Variants in DNAJC17 observed in about 807,000 individuals in gnomAD.
DNAJC17 encodes the protein dnaJ homolog subfamily C member 17.
In DNAJC17, 35 loss-of-function variants were observed where a neutral mutation model predicts 48.1. That is an observed-to-expected ratio of 0.73 (90% CI 0.56 to 0.96). The LOEUF (loss-of-function observed/expected upper bound fraction) is 0.96. Ranked by LOEUF, DNAJC17 falls within the 50% of genes least tolerant of loss-of-function variation. DNAJC17 has a pLI of 0.00. For synonymous variants in DNAJC17, 117 were observed against 142.7 expected, an observed-to-expected ratio of 0.82 and a Z score of 1.28; for missense variants, 355 against 377.1, an observed-to-expected ratio of 0.94 and a Z score of 0.48.
chr15:40,767,326 G>A lies in DNAJC17; in HGVS notation c.*614C>T. 1.9e-6 allele frequency: 3 copies of A among 1,601,862 alleles called. No individual in the cohort carries two copies. Among genetic ancestry groups the A allele is most frequent in the East Asian group, 4.6e-5 (2 of 43,642 alleles). ...CATGACGGGGGTGGGCCAGACGCTGGTGTGGTGTCTGCACAAGGAGTGACC... is the reference window on the plus strand; with the variant it reads ...CATGACGGGGGTGGGCCAGACGCTGATGTGGTGTCTGCACAAGGAGTGACC... On this transcript the variant is annotated 3_prime_UTR_variant, in exon 11 of 11. Transcript: ENST00000220496.
chr15:40,765,293 G>C lies in DNAJC17; in HGVS notation c.*2647C>G, dbSNP rs1179334120. On this transcript the variant is annotated 3_prime_UTR_variant, in exon 11 of 11. Transcript: ENST00000220496. Reference sequence around the variant, plus strand: ...GCAACCATCACCATAATCAGTTTTAGAACATTTCTAATACCCCAAAAGGAA... The same window carrying C: ...GCAACCATCACCATAATCAGTTTTACAACATTTCTAATACCCCAAAAGGAA... 1 of 152,126 alleles carries C rather than the reference G, an allele frequency of 6.6e-6. No individual in the cohort carries two copies. Among genetic ancestry groups the C allele is most frequent in the Admixed American group, 6.6e-5 (1 of 15,262 alleles). The allele number at this position is 152,126 out of a possible 1,614,324, so 9.4% of individuals were successfully genotyped here.
chr15:40,792,089 G>C (rs1889822446), intron 1 of DNAJC17, among the ~76,000 whole-genome samples: 1 of 152,106 alleles, frequency 6.6e-6, no homozygotes, highest in Non-Finnish European at 1.5e-5. Context: ...GCAAACCCTA[G>C]GCCATGCCCA....
Position 40,765,879 on chromosome 15 carries a change from A to G in DNAJC17, c.*2061T>C. Reference sequence around the variant, plus strand: ...GAACAGTCGGATCCAGAGCTGATGCAGCATCTGGGGGCTTCAAAGAGAAGA... The same window carrying G: ...GAACAGTCGGATCCAGAGCTGATGCGGCATCTGGGGGCTTCAAAGAGAAGA... On this transcript the variant is annotated 3_prime_UTR_variant, in exon 11 of 11. Transcript: ENST00000220496. 6 of 1,584,920 alleles carry G rather than the reference A, an allele frequency of 3.8e-6. No homozygotes were observed. Among genetic ancestry groups the G allele is most frequent in the Non-Finnish European group, 5.2e-6 (6 of 1,160,738 alleles).
At chr15:40,779,171 T>TG (rs1312945148) in intron 4 of DNAJC17, 52 bp downstream of exon 4, 16 of 1,568,118 alleles carry the variant, frequency 1.0e-5, no homozygotes, top group Non-Finnish European at 1.4e-5. Context: ...GGGAGATGAA[T>TG]GAAAATGACC....
In DNAJC17 at chr15:40,779,963, C is replaced by T. The variant is rs1346254305; in HGVS notation, c.113G>A (p.Cys38Tyr). 2 of 1,614,130 alleles carry T rather than the reference C, an allele frequency of 1.2e-6. No individual in the cohort carries two copies. The highest frequency in any genetic ancestry group is 1.7e-6 in the Non-Finnish European group (2 of 1,180,016). The stretch of plus-strand genomic sequence containing the variant: ...ATTATCTGGATTTTTGTCTGGGTGG[C>T]AGGAGAGGGCCTTCTGCCTATACGC... ...KKAYRQKALS[C>Y]HPDKNPDNPR... Residue 38 changes from cysteine (C) to tyrosine (Y), a missense_variant, in exon 2 of 11, where the codon TGC (cysteine) becomes TAC (tyrosine). Around this residue, in one of 3 missense-constraint regions of DNAJC17, gnomAD observed 199 missense variants for 199.9 expected, o/e 1.00. Transcript: ENST00000220496.
At position 40,792,509 on chromosome 15, in the gene DNAJC17, T is replaced by C. The variant is rs927668067; in HGVS notation, c.79-12512A>G. On this transcript the variant is annotated intron_variant, in intron 1 of 10. Transcript: ENST00000220496. ...AAGGGCTTCAAATGAAAGGTAAGGC[T>C]GCTACAGACAGAAGAGAAAGACAGG... 5 of 985,308 alleles carry C rather than the reference T, an allele frequency of 5.1e-6. No individual in the cohort carries two copies. In the African/African-American group the frequency reaches 5.2e-5, roughly 10 times the overall value. The allele number at this position is 985,308 out of a possible 1,614,324, so 61.0% of individuals were successfully genotyped here. A position where few individuals can be genotyped will look rare whatever the true frequency, so the allele number is the denominator to read the frequency against.
At position 40,769,163 on chromosome 15, in the gene DNAJC17, G is replaced by C. The variant is rs551989138; in HGVS notation, c.793-1101C>G. Among the ~76,000 whole-genome samples, 82 of 152,270 alleles carry C rather than the reference G, an allele frequency of 5.4e-4. 1 individual carries two copies. Among genetic ancestry groups the C allele is most frequent in the Non-Finnish European group, 9.6e-4 (65 of 67,992 alleles). ...ATGGCTGCACCCCTCCCCTCTCCCC[G>C]GCTGCAGCAGTCCCAGCTAGGCCGG... On this transcript the variant is annotated intron_variant, in intron 10 of 10. Coordinates refer to ENST00000220496, the MANE Select transcript of DNAJC17 (RefSeq NM_018163.3). The surrounding 1 kb of genome is among the most constrained non-coding windows in gnomAD (Gnocchi z 4.2).
chr15:40,779,400 A>C (rs1038552650), intron 3 of DNAJC17, 90 bp from the exon 4 acceptor site: 12 of 1,563,646 alleles, frequency 7.7e-6, no homozygotes, highest in South Asian at 1.1e-5. Flanking sequence ...CCCACGAGCC[A>C]TCAGAGTGGC....
At chr15:40,801,937 G>A (rs1413468705) in intron 1 of DNAJC17, among the ~76,000 whole-genome samples, 3 of 152,032 alleles carry the variant, frequency 2.0e-5, no homozygotes, top group African/African-American at 7.3e-5. Flanking sequence ...TGAGTGGATG[G>A]GGGCCTGGGC....
chr15:40,799,260 G>A (rs181906470), intron 1 of DNAJC17, among the ~76,000 whole-genome samples: 11 of 147,468 alleles, frequency 7.5e-5, no homozygotes, highest in African/African-American at 2.5e-4. Flanking sequence ...TTTGGTGCTC[G>A]CTGCTTCAGG....
chr15:40,806,900 G>A (rs1276933121), intron 1 of DNAJC17, among the ~76,000 whole-genome samples: 1 of 137,212 alleles, frequency 7.3e-6, no homozygotes, highest in Non-Finnish European at 1.6e-5. Flanking sequence ...CAGGGTCATC[G>A]GTCACATTGG....
rs576509917 is a variant in DNAJC17, at chr15:40,781,093, G to A, written c.79-1096C>T. On this transcript the variant is annotated intron_variant, in intron 1 of 10. Coordinates refer to ENST00000220496, the MANE Select transcript of DNAJC17 (RefSeq NM_018163.3). ...ATTCATGCAGGAGGCAGAGGTTGCA[G>A]TGAGCCAAGATTGTGCCACTACACT... is the stretch of plus-strand genomic sequence containing the variant. Among the ~76,000 whole-genome samples, 3 of 146,498 alleles carry A rather than the reference G, an allele frequency of 2.0e-5. No homozygotes were observed. In the South Asian group the frequency reaches 6.6e-4, roughly 32 times the overall value.
rs1889276747 is a variant in DNAJC17 at position 40,774,967 on chromosome 15, C to A, written c.600+64G>T. ...GAAGTTCAGGCATTGAGAGCAGAGA[C>A]CTAGGGTGTGGACTGAGACGTGGAC... On this transcript the variant is annotated intron_variant, in intron 8 of 10. Coordinates refer to ENST00000220496, the MANE Select transcript of DNAJC17 (RefSeq NM_018163.3). 1.9e-6 allele frequency: 3 copies of A among 1,550,900 alleles called. No homozygotes were observed. The South Asian group carries it at 3.3e-5, about 17-fold the overall frequency.
In DNAJC17 at chr15:40,776,268, A is replaced by T; in HGVS notation, c.406T>A (p.Ser136Thr). ...CTCTGCTGTTCCTCCAGCTGCCGGG[A>T]ACCCTCTTCTCTCAGGCGTTCGATC... ...QEIERLREEG[S>T]RQLEEQQRLI... Residue 136 changes from serine (S) to threonine (T), a missense_variant, in exon 6 of 11, where the codon TCC becomes ACC. Physicochemically the swap from Ser to Thr is moderately conservative, Grantham distance 58 (BLOSUM62 1). Around this residue, in one of 3 missense-constraint regions of DNAJC17, gnomAD observed 199 missense variants for 199.9 expected, o/e 1.00. Coordinates refer to ENST00000220496, the MANE Select transcript of DNAJC17 (RefSeq NM_018163.3). 1 of 1,614,076 alleles carries T rather than the reference A, an allele frequency of 6.2e-7. No homozygotes were observed. The highest frequency in any genetic ancestry group is 8.5e-7 in the Non-Finnish European group (1 of 1,179,996).
At chr15:40,771,854 A>G (rs1245411847) in intron 10 of DNAJC17, 1 of 167,168 alleles carries the variant, frequency 6.0e-6, no homozygotes, top group Non-Finnish European at 1.5e-5. Context: ...GAGATAGAGT[A>G]TAACTCAGGA....
intron 1 of DNAJC17, among the ~76,000 whole-genome samples, chr15:40,805,375 CAAAAAAAAA>C (rs559577744): frequency 5.4e-4 from 58 of 107,862 alleles, no homozygotes; most frequent in Admixed American, 4.1e-4. Context: ...TACTCTGTCT[CAAAAAAAAA>C]AAAAAAAAAA....
intron 1 of DNAJC17, chr15:40,807,059 C>G (rs777871884): frequency 3.3e-6 from 2 of 603,508 alleles, no homozygotes; most frequent in Non-Finnish European, 5.7e-6. Context: ...AAACGGAGGC[C>G]GAGACTGCGC....
Position 40,767,200 on chromosome 15 carries a change from A to G in DNAJC17, c.*740T>C, listed in dbSNP as rs1173160897. On this transcript the variant is annotated 3_prime_UTR_variant, in exon 11 of 11. Coordinates refer to ENST00000220496, the MANE Select transcript of DNAJC17 (RefSeq NM_018163.3). ...AGGAGCTTGCTGTGTGCCCCTCCTCACCCCCCCCATCCTGTCTCTTTGCAG... is the reference window on the plus strand; with the variant it reads ...AGGAGCTTGCTGTGTGCCCCTCCTCGCCCCCCCCATCCTGTCTCTTTGCAG... 5 of 1,457,654 alleles carry G rather than the reference A, an allele frequency of 3.4e-6. No individual in the cohort carries two copies. Among genetic ancestry groups the G allele is most frequent in the Non-Finnish European group, 4.5e-6 (5 of 1,101,462 alleles). 90.3% of individuals were successfully genotyped at this position (1,457,654 alleles called of 1,614,324 possible). A position where few individuals can be genotyped will look rare whatever the true frequency, so the allele number is the denominator to read the frequency against.
chr15:40,798,374 A>T (rs1330096046), intron 1 of DNAJC17, among the ~76,000 whole-genome samples: 1 of 152,206 alleles, frequency 6.6e-6, no homozygotes, highest in Non-Finnish European at 1.5e-5. Context: ...CTCTTTGTTA[A>T]GTACAGAGTT....
Sources: allele counts gnomAD v4.1 joint callset (sites outside exome capture counted in the v4.1 genomes callset), GRCh38; gene constraint gnomAD v4.1.1; regional missense constraint gnomAD v4.1.1; non-coding constraint Gnocchi (gnomAD v3.1); transcripts MANE v1.5; gene names NCBI Gene and HGNC (gene_info 2026-07-23, HGNC 2026-07-21).